ULK4: variants seen among roughly 807,000 people sequenced by gnomAD.
ULK4 encodes inactive serine/threonine-protein kinase ULK4.
ULK4 carries 133 observed loss-of-function variants against 160.6 expected under a neutral mutation model. That is an observed-to-expected ratio of 0.83 (90% CI 0.72 to 0.96). ULK4 has a LOEUF of 0.96. ULK4 is among the 40% of genes least tolerant of loss of function. The pLI is 0.00. For synonymous variants in ULK4, 534 were observed against 539.8 expected (o/e 0.99, Z 0.15); for missense variants, 1,580 against 1,499.5 (o/e 1.05, Z -0.89).
chr3:41,658,733 A>ACACACACACACACACACACACTCT (rs1553628719), intron 30 of ULK4, among the ~76,000 whole-genome samples: 1 of 131,584 alleles, frequency 7.6e-6, no homozygotes, highest in African/African-American at 2.8e-5. Flanking sequence ...AACAGTACAC[A>ACACACACACACACACACACACTCT]CACACACACA....
chr3:41,702,155 GTATT>G (rs916239557), intron 27 of ULK4, among the ~76,000 whole-genome samples: 10 of 151,964 alleles, frequency 6.6e-5, no homozygotes, highest in Non-Finnish European at 1.3e-4. Context: ...ATGTATGTAT[GTATT>G]TATTTATTTA....
rs1032303517 is a variant in ULK4, at chr3:41,311,715, C to G, written c.3679-62141G>C. Reference sequence around the variant, plus strand: ...TCCCAAATAGCTGGGACTACAGGCACGTGCCACTAGGCTCGGCTAATTTTT... The same window carrying G: ...TCCCAAATAGCTGGGACTACAGGCAGGTGCCACTAGGCTCGGCTAATTTTT... On this transcript the variant is annotated intron_variant, in intron 35 of 36. Transcript: ENST00000301831. Among the ~76,000 whole-genome samples, 4 of 151,502 alleles carry G rather than the reference C, an allele frequency of 2.6e-5. No homozygotes were observed. The South Asian group carries it at 8.3e-4, about 32-fold the overall frequency.
At chr3:41,877,785 C>A (rs1430289597) in intron 17 of ULK4, among the ~76,000 whole-genome samples, 1 of 151,730 alleles carries the variant, frequency 6.6e-6, no homozygotes, top group Non-Finnish European at 1.5e-5. Flanking sequence ...AGTTTGAGAC[C>A]AGCCTGGCCA....
intron 35 of ULK4, among the ~76,000 whole-genome samples, chr3:41,351,568 T>C (rs1425516255): frequency 2.6e-5 from 4 of 152,230 alleles, no homozygotes; most frequent in African/African-American, 9.6e-5. Context: ...TCTTTTCTCT[T>C]CTTATTCAAG....
At chr3:41,528,405 GA>G (rs1276603354) in intron 32 of ULK4, among the ~76,000 whole-genome samples, 3 of 152,096 alleles carry the variant, frequency 2.0e-5, no homozygotes, top group Non-Finnish European at 4.4e-5. Context: ...TATATATAAG[GA>G]ATTCATTTTG....
chr3:41,601,258 T>C (rs1368802237), intron 31 of ULK4, among the ~76,000 whole-genome samples: 6 of 152,256 alleles, frequency 3.9e-5, no homozygotes, highest in African/African-American at 7.2e-5. Flanking sequence ...AACAAAGTGA[T>C]AGTATTCTAG....
chr3:41,863,177 C>T (rs1457233965), intron 17 of ULK4, among the ~76,000 whole-genome samples: 1 of 152,074 alleles, frequency 6.6e-6, no homozygotes, highest in African/African-American at 2.4e-5. Flanking sequence ...CAATGCAGTC[C>T]CTCCCTTCCT....
intron 18 of ULK4, among the ~76,000 whole-genome samples, chr3:41,831,531 A>ATATATTTTTT: frequency 8.7e-5 from 12 of 138,128 alleles, no homozygotes; most frequent in African/African-American, 2.8e-4. Flanking sequence ...ATATATATAT[A>ATATATTTTTT]TTTTTTTTTC....
chr3:41,438,937 A>C (rs943532115), intron 34 of ULK4, among the ~76,000 whole-genome samples: 2 of 151,934 alleles, frequency 1.3e-5, no homozygotes, highest in Non-Finnish European at 2.9e-5. Flanking sequence ...GGTTAGCATA[A>C]TCCTTATAGC....
chr3:41,937,732 G>A (rs958311672), intron 3 of ULK4: 6 of 194,144 alleles, frequency 3.1e-5, no homozygotes, highest in African/African-American at 9.3e-5. Flanking sequence ...ATTTTATGAG[G>A]TACAGTATGC....
At chr3:41,580,988 C>T (rs2030278200) in intron 31 of ULK4, among the ~76,000 whole-genome samples, 1 of 152,110 alleles carries the variant, frequency 6.6e-6, no homozygotes, top group African/African-American at 2.4e-5. Context: ...TCAAACAAAA[C>T]AGTTCTGCAC....
chr3:41,431,875 C>T (rs1172634579), intron 34 of ULK4, among the ~76,000 whole-genome samples: 8 of 150,770 alleles, frequency 5.3e-5, no homozygotes, highest in African/African-American at 2.0e-4. Context: ...CCGCAAGCTC[C>T]GCCTCTCGGG....
intron 17 of ULK4, among the ~76,000 whole-genome samples, chr3:41,868,132 T>C (rs1696964404): frequency 6.6e-6 from 1 of 152,220 alleles, no homozygotes; most frequent in Admixed American, 6.5e-5. Context: ...TTCAATTTCA[T>C]TAATATCATT....
At chr3:41,646,428 G>A (rs1220666311) in intron 30 of ULK4, among the ~76,000 whole-genome samples, 2 of 152,140 alleles carry the variant, frequency 1.3e-5, no homozygotes, top group Non-Finnish European at 1.5e-5. Flanking sequence ...TCTGTAAAGT[G>A]TTTTATTTCT....
At chr3:41,520,103 T>G (rs2085883351) in intron 32 of ULK4, among the ~76,000 whole-genome samples, 1 of 152,208 alleles carries the variant, frequency 6.6e-6, no homozygotes, top group African/African-American at 2.4e-5. Flanking sequence ...AAGTATATAA[T>G]TCAGTGGCAT....
chr3:41,356,556 T>C (rs767845361), intron 35 of ULK4, among the ~76,000 whole-genome samples: 2 of 152,214 alleles, frequency 1.3e-5, no homozygotes, highest in Non-Finnish European at 2.9e-5. Flanking sequence ...AAAAAGGCAG[T>C]TGTGGGACAG....
In ULK4 at chr3:41,795,769, G is replaced by A. The variant is rs1308387594; in HGVS notation, c.2010+4363C>T. 2.0e-5 allele frequency among the ~76,000 whole-genome samples: 3 copies of A among 152,184 alleles called. 1 individual carries two copies. The highest frequency in any genetic ancestry group is 7.2e-5 in the African/African-American group (3 of 41,452). On this transcript the variant is annotated intron_variant, in intron 20 of 36. Coordinates refer to ENST00000301831, the MANE Select transcript of ULK4 (RefSeq NM_017886.4). ...AAGTTCATTTTGTGTGGAGAATCAAGTTGGTGGAGCCTAAAACTGGACGTT... is the reference window on the plus strand; with the variant it reads ...AAGTTCATTTTGTGTGGAGAATCAAATTGGTGGAGCCTAAAACTGGACGTT...
chr3:41,895,593 A>C, intron 15 of ULK4, 29 bp from the exon 16 acceptor site: 1 of 1,417,762 alleles, frequency 7.1e-7, no homozygotes, highest in Non-Finnish European at 9.4e-7. Context: ...GTGTAAAGAA[A>C]AGAAAAAATT....
chr3:41,887,822 T>A (rs1320770623), intron 16 of ULK4, among the ~76,000 whole-genome samples: 1 of 148,900 alleles, frequency 6.7e-6, no homozygotes, highest in African/African-American at 2.5e-5. Context: ...AGACTCCGTC[T>A]CAAAAAAAAA....
Sources: gnomAD v4.1 joint callset for allele counts (sites outside exome capture counted in the v4.1 genomes callset) on GRCh38, gnomAD v4.1.1 for gene constraint, MANE v1.5 for transcripts, NCBI Gene and HGNC (gene_info 2026-07-23, HGNC 2026-07-21) for gene names.